The following CACNA1C variants were observed in gnomAD, a reference collection of about 807,000 sequenced individuals.
CACNA1C encodes calcium voltage-gated channel subunit alpha1 C.
Under a neutral mutation model 229.0 loss-of-function variants are expected in CACNA1C, and 30 were observed. The ratio of observed to expected loss-of-function variants is 0.13; its 90% CI spans 0.10 to 0.18. The LOEUF (loss-of-function observed/expected upper bound fraction) is 0.18. Among genes scored for constraint, CACNA1C ranks in the 10% least tolerant of loss-of-function variants. CACNA1C has a pLI of 1.00. For missense variants in CACNA1C, 1,658 were observed against 2,845.0 expected (o/e 0.58, Z 9.49); for synonymous variants, 1,114 against 1,132.5 (o/e 0.98, Z 0.33).
At chr12:2,440,893 T>C (rs1185285036) in intron 3 of CACNA1C, among the ~76,000 whole-genome samples, 1 of 152,152 alleles carries the variant, frequency 6.6e-6, no homozygotes, top group Non-Finnish European at 1.5e-5. Flanking sequence ...GTGCTGCAAC[T>C]CTCAGGAAGT....
At chr12:2,682,446 G>A (rs572424808) in intron 42 of CACNA1C, 104 bp from the exon 43 acceptor site, 33 of 1,368,452 alleles carry the variant, frequency 2.4e-5, no homozygotes, top group Admixed American at 2.4e-4. Flanking sequence ...GTTTGTGCAC[G>A]TGTGTACACC....
chr12:2,537,078 C>A (rs1015771260), intron 9 of CACNA1C, among the ~76,000 whole-genome samples: 1 of 152,190 alleles, frequency 6.6e-6, no homozygotes, highest in African/African-American at 2.4e-5. Context: ...GGCAGGGAGG[C>A]CCTGGGCAGG....
intron 3 of CACNA1C, among the ~76,000 whole-genome samples, chr12:2,146,162 T>A (rs1055347843): frequency 6.6e-6 from 1 of 151,104 alleles, no homozygotes; most frequent in Non-Finnish European, 1.5e-5. Flanking sequence ...ACGTTTAGAT[T>A]GGGGCAAGGA....
At chr12:2,146,417 A>G (rs2094712933) in intron 3 of CACNA1C, among the ~76,000 whole-genome samples, 1 of 151,300 alleles carries the variant, frequency 6.6e-6, no homozygotes, top group Non-Finnish European at 1.5e-5. Context: ...ATAAATATTG[A>G]TTGAGTAGCA....
chr12:2,685,854 G>A lies in CACNA1C; in HGVS notation c.5680+12G>A, dbSNP rs761437891. The stretch of plus-strand genomic sequence containing the variant: ...CTCTGCCTCACTAGGTAAATGCACC[G>A]CTCGCTCTCTGGATGTGGTCGGCGG... On this transcript the variant is annotated intron_variant, in intron 44 of 46. Coordinates refer to ENST00000399655, the MANE Select transcript of CACNA1C (RefSeq NM_000719.7). 3.0e-5 allele frequency: 47 copies of A among 1,579,452 alleles called. No individual in the cohort carries two copies. The East Asian group carries it at 4.3e-4, about 14-fold the overall frequency.
intron 3 of CACNA1C, among the ~76,000 whole-genome samples, chr12:2,378,678 C>T (rs1046817830): frequency 3.4e-4 from 52 of 152,210 alleles, no homozygotes; most frequent in Admixed American, 3.1e-3. Flanking sequence ...AAATACTCCC[C>T]GTGGGGGAAG....
chr12:2,268,381 G>A (rs1404201464), intron 3 of CACNA1C, among the ~76,000 whole-genome samples: 2 of 152,178 alleles, frequency 1.3e-5, no homozygotes, highest in Non-Finnish European at 2.9e-5. Flanking sequence ...TTTGTTGATC[G>A]ACTTATCCAA....
rs796437319 is a variant in CACNA1C, at chr12:2,639,156, G to C, written c.3912+4776G>C. Among the ~76,000 whole-genome samples the C allele has an allele frequency of 6.6e-6, 1 of 152,324 alleles. No individual in the cohort carries two copies. Among genetic ancestry groups the C allele is most frequent in the African/African-American group, 2.4e-5 (1 of 41,578 alleles). On this transcript the variant is annotated intron_variant, in intron 30 of 46. Coordinates refer to ENST00000399655, the MANE Select transcript of CACNA1C (RefSeq NM_000719.7). This position sits in a 1 kb window ranked among gnomAD's most constrained non-coding sequence, Gnocchi z 4.2. The stretch of plus-strand genomic sequence containing the variant: ...CCTCAGTATCTGAGCCATGGGCCCC[G>C]GCCCTTCTCCTGCCAATGCATCACC...
intron 3 of CACNA1C, among the ~76,000 whole-genome samples, chr12:2,433,103 G>T (rs2099101837): frequency 6.6e-6 from 1 of 152,214 alleles, no homozygotes; most frequent in Non-Finnish European, 1.5e-5. Flanking sequence ...GCACCATATG[G>T]TAAGGGTGTC....
At chr12:2,334,856 A>G (rs1016607252) in intron 3 of CACNA1C, among the ~76,000 whole-genome samples, 2 of 152,190 alleles carry the variant, frequency 1.3e-5, no homozygotes, top group South Asian at 2.1e-4. Flanking sequence ...AATTAGATAG[A>G]AATGTCATGG....
Position 2,566,642 on chromosome 12 carries a change from G to A in CACNA1C, c.1669+60G>A. 1 of 1,428,358 alleles carries A rather than the reference G, an allele frequency of 7.0e-7. No homozygotes were observed. 88.5% of individuals were successfully genotyped at this position (1,428,358 alleles called of 1,614,324 possible). A position where few individuals can be genotyped will look rare whatever the true frequency, so the allele number is the denominator to read the frequency against. On this transcript the variant is annotated intron_variant, in intron 12 of 46. Transcript: ENST00000399655. The surrounding 1 kb of genome is among the most constrained non-coding windows in gnomAD (Gnocchi z 4.0). ...CCTGGTAACTCAGCCCCAAGGCCCA[G>A]GGGAGGGCATAACCACAGGCAGAAG...
At chr12:2,369,036 A>G (rs1180826735) in intron 3 of CACNA1C, among the ~76,000 whole-genome samples, 1 of 152,232 alleles carries the variant, frequency 6.6e-6, no homozygotes, top group African/African-American at 2.4e-5. Flanking sequence ...TTAAAAATAA[A>G]TGTGTCCAAA....
At chr12:2,002,073 C>T (rs1052225026) in intron 1 of CACNA1C, among the ~76,000 whole-genome samples, 1 of 152,198 alleles carries the variant, frequency 6.6e-6, no homozygotes, top group African/African-American at 2.4e-5. Context: ...CCAGTCATCA[C>T]ATAATCTTTC....
chr12:2,441,821 C>T (rs2099230535), intron 3 of CACNA1C, among the ~76,000 whole-genome samples: 2 of 152,132 alleles, frequency 1.3e-5, no homozygotes, highest in Non-Finnish European at 2.9e-5. Flanking sequence ...ATATTGGCTC[C>T]CTGGACCCTC....
chr12:2,543,263 G>A (rs1191246397), intron 9 of CACNA1C, among the ~76,000 whole-genome samples: 2 of 152,180 alleles, frequency 1.3e-5, no homozygotes, highest in Non-Finnish European at 2.9e-5. Flanking sequence ...GTGCTATTAT[G>A]ACATTGCCTG....
chr12:2,216,345 G>T (rs2154343903), intron 3 of CACNA1C, among the ~76,000 whole-genome samples: 1 of 152,248 alleles, frequency 6.6e-6, no homozygotes, highest in East Asian at 1.9e-4. Flanking sequence ...TTCCCTAACT[G>T]CTTACTCATA....
intron 3 of CACNA1C, among the ~76,000 whole-genome samples, chr12:2,375,411 T>C (rs2098021389): frequency 6.6e-6 from 1 of 152,220 alleles, no homozygotes. Flanking sequence ...ATGCGTTTCC[T>C]GGGTCTGGCC....
chr12:2,235,951 T>TTACACAGGTAATCACAC (rs1566584698), intron 3 of CACNA1C, among the ~76,000 whole-genome samples: 4 of 152,240 alleles, frequency 2.6e-5, no homozygotes, highest in South Asian at 2.1e-4. Context: ...ACATCACAGA[T>TTACACAGGTAATCACAC]AGGCATTACC....
In CACNA1C at chr12:2,608,351, GC is replaced by G. The variant is rs778339862; in HGVS notation, c.3357-157del. 6.6e-6 allele frequency among the ~76,000 whole-genome samples: 1 copy of G among 152,146 alleles called. No homozygotes were observed. The highest frequency in any genetic ancestry group is 1.5e-5 in the Non-Finnish European group (1 of 68,036). On this transcript the variant is annotated intron_variant, in intron 26 of 46. Coordinates refer to ENST00000399655, the MANE Select transcript of CACNA1C (RefSeq NM_000719.7). This position sits in a 1 kb window ranked among gnomAD's most constrained non-coding sequence, Gnocchi z 4.2. ...GAGTCTCAGAGAGGTTAAACGCTTT[GC>G]CCAAGGTCACACAGCCAGTAAGAGG...
Sources: allele counts gnomAD v4.1 joint callset (sites outside exome capture counted in the v4.1 genomes callset), GRCh38; gene constraint gnomAD v4.1.1; non-coding constraint Gnocchi (gnomAD v3.1); transcripts MANE v1.5; gene names NCBI Gene and HGNC (gene_info 2026-07-23, HGNC 2026-07-21).